TRIM72: variants seen among roughly 807,000 people sequenced by gnomAD.
The protein encoded by TRIM72 is tripartite motif-containing protein 72.
Under a neutral mutation model 31.6 loss-of-function variants are expected in TRIM72, and 33 were observed. That is an observed-to-expected ratio of 1.04 (90% CI 0.79 to 1.40). The LOEUF is 1.40. TRIM72 is among the 40% of genes most tolerant of loss of function. The pLI, the probability that TRIM72 is intolerant of heterozygous loss-of-function variation, is 0.00. For missense variants in TRIM72, 666 were observed against 682.7 expected (o/e 0.98, Z 0.27); for synonymous variants, 301 against 314.4 (o/e 0.96, Z 0.45).
At chr16:31,222,482 C>T (rs376857439) in intron 5 of TRIM72, among the ~76,000 whole-genome samples, 26 of 117,962 alleles carry the variant, frequency 2.2e-4, no homozygotes, top group African/African-American at 3.7e-4. Context: ...TCTTCTTCTT[C>T]TTTTTTTTTT....
chr16:31,223,641 C>A (rs751874948), intron 6 of TRIM72, among the ~76,000 whole-genome samples: 1 of 152,092 alleles, frequency 6.6e-6, no homozygotes, highest in Non-Finnish European at 1.5e-5. Flanking sequence ...CGGTGGCTCA[C>A]GCTTGTAATC....
chr16:31,224,740 A>C lies in TRIM72; in HGVS notation c.1419A>C (p.Glu473Asp), dbSNP rs746896769. Residue 473 changes from glutamate to aspartate, a missense_variant, in exon 7 of 7, where the codon GAA becomes GAC. Transcript: ENST00000322122. ...AGCCGCTGCTGCTCGTGGGTCCCGA[A>C]GGCGCCGAGGCCTGAGCCGCCGGAC... ...NAQPLLLVGP[E>D]GAEA The C allele has an allele frequency of 6.0e-6, 9 of 1,500,616 alleles. No homozygotes were observed. The Middle Eastern group carries it at 1.0e-3, about 174-fold the overall frequency. The allele number at this position is 1,500,616 out of a possible 1,614,324, so 93.0% of individuals were successfully genotyped here. A position where few individuals can be genotyped will look rare whatever the true frequency, so the allele number is the denominator to read the frequency against.
At position 31,227,872 on chromosome 16, in the gene TRIM72, G is replaced by A. The variant is rs2079559312; in HGVS notation, c.*3117G>A. Reference sequence around the variant, plus strand: ...GCTGGTCTCGAGCTCCTGGCCTCAAGCGATCCTCCCATCTTGGCTTCCCAA... The same window carrying A: ...GCTGGTCTCGAGCTCCTGGCCTCAAACGATCCTCCCATCTTGGCTTCCCAA... On this transcript the variant is annotated 3_prime_UTR_variant, in exon 7 of 7. Transcript: ENST00000322122. 6.6e-6 allele frequency: 1 copy of A among 152,286 alleles called. No homozygotes were observed. The highest frequency in any genetic ancestry group is 2.4e-5 in the African/African-American group (1 of 41,438). The allele number at this position is 152,286 out of a possible 1,614,324, so 9.4% of individuals were successfully genotyped here. A position where few individuals can be genotyped will look rare whatever the true frequency, so the allele number is the denominator to read the frequency against.
At position 31,226,469 on chromosome 16, in the gene TRIM72, T is replaced by C. The variant is rs2079555379; in HGVS notation, c.*1714T>C. On this transcript the variant is annotated 3_prime_UTR_variant, in exon 7 of 7. Transcript: ENST00000322122. ...ACAACAAAAAGAAGACATTGGAAAATGGCTGGAGCTGATTCTAGGTGAATA... is the reference window on the plus strand; with the variant it reads ...ACAACAAAAAGAAGACATTGGAAAACGGCTGGAGCTGATTCTAGGTGAATA... The C allele has an allele frequency of 6.6e-6, 1 of 152,022 alleles. No homozygotes were observed. Among genetic ancestry groups the C allele is most frequent in the South Asian group, 2.1e-4 (1 of 4,822 alleles). The allele number at this position is 152,022 out of a possible 1,614,324, so 9.4% of individuals were successfully genotyped here. A position where few individuals can be genotyped will look rare whatever the true frequency, so the allele number is the denominator to read the frequency against.
At position 31,231,053 on chromosome 16, in the gene TRIM72, T is replaced by C. The variant is rs1424151412; in HGVS notation, c.*6298T>C. 2 of 150,672 alleles carry C rather than the reference T, an allele frequency of 1.3e-5. No homozygotes were observed. Among genetic ancestry groups the C allele is most frequent in the East Asian group, 3.9e-4 (2 of 5,112 alleles). The allele number at this position is 150,672 out of a possible 1,614,324, so 9.3% of individuals were successfully genotyped here. ...GTTTTGTTTTTTTTTTGAGATGGAG[T>C]CTCACTGTCTCCCAGGCTGGAGTGC... On this transcript the variant is annotated 3_prime_UTR_variant, in exon 7 of 7. Coordinates refer to ENST00000322122, the MANE Select transcript of TRIM72 (RefSeq NM_001008274.4).
At chr16:31,220,285 T>G (rs1161866579) in intron 4 of TRIM72, among the ~76,000 whole-genome samples, 1 of 151,908 alleles carries the variant, frequency 6.6e-6, no homozygotes, top group Non-Finnish European at 1.5e-5. Context: ...ACAATCTGCC[T>G]GCCTTGGCCT....
rs982564957 is a variant in TRIM72 at position 31,224,928 on chromosome 16, T to G, written c.*173T>G. 1 of 625,580 alleles carries G rather than the reference T, an allele frequency of 1.6e-6. No homozygotes were observed. The highest frequency in any genetic ancestry group is 3.9e-5 in the Admixed American group (1 of 25,798). 38.8% of individuals were successfully genotyped at this position (625,580 alleles called of 1,614,324 possible). On this transcript the variant is annotated 3_prime_UTR_variant, in exon 7 of 7. Transcript: ENST00000322122. ...GGGGTAGGACTGGCTTGGTGGCTCA[T>G]GCCTGTAATCCCAGCACTTTGGGAG...
intron 1 of TRIM72, 88 bp from the exon 2 acceptor site, chr16:31,214,644 C>G (rs2079497792): frequency 7.5e-7 from 1 of 1,333,448 alleles, no homozygotes; most frequent in Non-Finnish European, 9.6e-7. Context: ...TGCGGGGCGG[C>G]GGGCCCGGCC....
At position 31,219,057 on chromosome 16, in the gene TRIM72, G is replaced by T. The variant is rs905041555; in HGVS notation, c.391-38G>T. The T allele has an allele frequency of 1.3e-6, 2 of 1,542,098 alleles. No homozygotes were observed. The highest frequency in any genetic ancestry group is 4.9e-5 in the East Asian group (2 of 40,924). ...GATGGGAGGTGTGGGTTTTGGGTGG[G>T]TGGCATCCCCATCACTTCTCCATGC... On this transcript the variant is annotated intron_variant, in intron 2 of 6. Coordinates refer to ENST00000322122, the MANE Select transcript of TRIM72 (RefSeq NM_001008274.4). The surrounding 1 kb of genome is among the most constrained non-coding windows in gnomAD (Gnocchi z 4.2).
rs35529522 is a variant in TRIM72 at position 31,228,569 on chromosome 16, CTTT to C, written c.*3832_*3834del. 17 of 133,374 alleles carry C rather than the reference CTTT, an allele frequency of 1.3e-4. No individual in the cohort carries two copies. Among genetic ancestry groups the C allele is most frequent in the Non-Finnish European group, 2.4e-4 (15 of 62,506 alleles). 8.3% of individuals were successfully genotyped at this position (133,374 alleles called of 1,614,324 possible). A position where few individuals can be genotyped will look rare whatever the true frequency, so the allele number is the denominator to read the frequency against. On this transcript the variant is annotated 3_prime_UTR_variant, in exon 7 of 7. Coordinates refer to ENST00000322122, the MANE Select transcript of TRIM72 (RefSeq NM_001008274.4). ...TGAACTGCTGGGGTCTCTGCACCTC[CTTT>C]TTTTTTTTTTTTTTTTTGAGATGCA...
chr16:31,224,693 CACG>C lies in TRIM72; in HGVS notation c.1375_1377del (p.Asp459del), dbSNP rs1567496338. ...GTACCCCTTCTTCGACGTGTGCTGG[CACG>C]ACAAGGGCAAGAATGCCCAGCCGCT... On this transcript the variant is annotated inframe_deletion, in exon 7 of 7. Coordinates refer to ENST00000322122, the MANE Select transcript of TRIM72 (RefSeq NM_001008274.4). The C allele has an allele frequency of 6.5e-7, 1 of 1,545,784 alleles. No individual in the cohort carries two copies. The highest frequency in any genetic ancestry group is 1.2e-5 in the South Asian group (1 of 84,932).
chr16:31,223,110 G>T (rs1413433268), intron 6 of TRIM72, among the ~76,000 whole-genome samples, 165 bp downstream of exon 6: 1 of 152,136 alleles, frequency 6.6e-6, no homozygotes, highest in Non-Finnish European at 1.5e-5. Context: ...CCTGTGTTGG[G>T]AGGAGGGCCT....
In TRIM72 at chr16:31,224,366, G is replaced by GTGGA; in HGVS notation, c.1048_1051dup (p.Val351GlyfsTer176). 6.6e-7 allele frequency: 1 copy of GTGGA among 1,517,010 alleles called. No homozygotes were observed. Among genetic ancestry groups the GTGGA allele is most frequent in the Non-Finnish European group, 8.8e-7 (1 of 1,141,700 alleles). The allele number at this position is 1,517,010 out of a possible 1,614,324, so 94.0% of individuals were successfully genotyped here. The stretch of plus-strand genomic sequence containing the variant: ...CTCCGAGGGCGAGCACTACTGGGAG[G>GTGGA]TGGATGTTGGCGACAAGCCGCGCTG... On this transcript the variant is annotated frameshift_variant, in exon 7 of 7. Coordinates refer to ENST00000322122, the MANE Select transcript of TRIM72 (RefSeq NM_001008274.4). LOFTEE classifies it low-confidence loss of function (END_TRUNC).
chr16:31,230,727 A>AAG lies in TRIM72; in HGVS notation c.*5973_*5974insGA, dbSNP rs2079567367. The AAG allele has an allele frequency of 1.3e-5, 2 of 149,800 alleles. No homozygotes were observed. The highest frequency in any genetic ancestry group is 3.0e-5 in the Non-Finnish European group (2 of 67,394). 9.3% of individuals were successfully genotyped at this position (149,800 alleles called of 1,614,324 possible). On this transcript the variant is annotated 3_prime_UTR_variant, in exon 7 of 7. Transcript: ENST00000322122. Reference sequence around the variant, plus strand: ...GGTGACAGAGCGAGACTCCGCCTCAAAAAAAAAAAAAAAAAAAGGTAACCG... The same window carrying AAG: ...GGTGACAGAGCGAGACTCCGCCTCAAAGAAAAAAAAAAAAAAAAAGGTAACCG...
At position 31,224,713 on chromosome 16, in the gene TRIM72, C is replaced by G; in HGVS notation, c.1392C>G (p.Ala464=). 1 of 1,529,916 alleles carries G rather than the reference C, an allele frequency of 6.5e-7. No homozygotes were observed. The highest frequency in any genetic ancestry group is 8.7e-7 in the Non-Finnish European group (1 of 1,144,030). The allele number at this position is 1,529,916 out of a possible 1,614,324, so 94.8% of individuals were successfully genotyped here. A position where few individuals can be genotyped will look rare whatever the true frequency, so the allele number is the denominator to read the frequency against. Residue 464 remains alanine, a synonymous_variant, in exon 7 of 7, where the codon GCC becomes GCG. Coordinates refer to ENST00000322122, the MANE Select transcript of TRIM72 (RefSeq NM_001008274.4). ...GCTGGCACGACAAGGGCAAGAATGC[C>G]CAGCCGCTGCTGCTCGTGGGTCCCG... ...DVCWHDKGKN[A]QPLLLVGPEG...
chr16:31,216,830 C>T lies in TRIM72; in HGVS notation c.390+1702C>T. On this transcript the variant is annotated intron_variant, in intron 2 of 6. Transcript: ENST00000322122. The surrounding 1 kb of genome is among the most constrained non-coding windows in gnomAD (Gnocchi z 6.7). ...TCGCGCAGCACGGCCACGACGAGCTCGGCTGCGTAGTCCTCGTAGTAGGAG... is the reference window on the plus strand; with the variant it reads ...TCGCGCAGCACGGCCACGACGAGCTTGGCTGCGTAGTCCTCGTAGTAGGAG... The T allele has an allele frequency of 6.2e-7, 1 of 1,613,556 alleles. No individual in the cohort carries two copies. The highest frequency in any genetic ancestry group is 8.5e-7 in the Non-Finnish European group (1 of 1,179,856).
chr16:31,220,769 C>T, intron 4 of TRIM72, 127 bp from the exon 5 acceptor site: 3 of 1,282,842 alleles, frequency 2.3e-6, no homozygotes, highest in African/African-American at 1.5e-5. Context: ...CCTCGTCTGG[C>T]CTCTTTTAGC....
intron 5 of TRIM72, among the ~76,000 whole-genome samples, chr16:31,221,271 G>C (rs1327158111): frequency 6.6e-6 from 1 of 152,172 alleles, no homozygotes; most frequent in African/African-American, 2.4e-5. Context: ...GAAGGGCATT[G>C]TGAGGAGAAA....
intron 6 of TRIM72, among the ~76,000 whole-genome samples, chr16:31,223,162 G>A (rs2079541394): frequency 2.0e-5 from 3 of 152,214 alleles, no homozygotes; most frequent in African/African-American, 7.2e-5. Context: ...ACATGAAAAT[G>A]CTGCTGCTGT....
Sources: allele counts gnomAD v4.1 joint callset (sites outside exome capture counted in the v4.1 genomes callset), GRCh38; gene constraint gnomAD v4.1.1; non-coding constraint Gnocchi (gnomAD v3.1); transcripts MANE v1.5; gene names NCBI Gene and HGNC (gene_info 2026-07-23, HGNC 2026-07-21).